DDX52: variants seen among roughly 807,000 people sequenced by gnomAD.
DDX52 encodes the protein DExD-box helicase 52.
A neutral mutation model predicts 76.1 loss-of-function variants in DDX52; 59 were observed. That is an observed-to-expected ratio of 0.78 (90% confidence interval 0.63 to 0.96). DDX52 has a LOEUF of 0.96. Ranked by LOEUF, DDX52 falls within the 40% of genes least tolerant of loss-of-function variation. DDX52 has a pLI of 0.00. For synonymous variants in DDX52, 231 were observed against 244.1 expected (o/e 0.95, Z 0.50); for missense variants, 707 against 703.9 (o/e 1.00, Z -0.05).
At chr17:37,627,747 A>G (rs1367332113) in intron 6 of DDX52, among the ~76,000 whole-genome samples, 1 of 151,730 alleles carries the variant, frequency 6.6e-6, no homozygotes, top group Non-Finnish European at 1.5e-5. Context: ...TCTGGCTGAT[A>G]TAAGGGTGAG....
intron 2 of DDX52, among the ~76,000 whole-genome samples, chr17:37,641,147 T>A (rs888578398): frequency 2.6e-5 from 4 of 151,814 alleles, no homozygotes; most frequent in African/African-American, 9.7e-5. Context: ...TCCCAGCACT[T>A]TAGGAGGCGG....
In DDX52 at chr17:37,628,674, TA is replaced by T. The variant is rs748612808; in HGVS notation, c.748-3del. ...AATTTTTATTAACTCTCTGTGAATC[TA>T]AAAAAAAAAAGATTAAAAACATTAG... On this transcript the variant is annotated splice_polypyrimidine_tract_variant and splice_region_variant and intron_variant, in intron 5 of 14. Transcript: ENST00000617633. The T allele has an allele frequency of 0.1, 105,863 of 1,013,946 alleles. No individual in the cohort carries two copies. Among genetic ancestry groups the T allele is most frequent in the South Asian group, 0.16 (7,535 of 48,100 alleles). 62.8% of individuals were successfully genotyped at this position (1,013,946 alleles called of 1,614,324 possible). A position where few individuals can be genotyped will look rare whatever the true frequency, so the allele number is the denominator to read the frequency against.
intron 2 of DDX52, among the ~76,000 whole-genome samples, chr17:37,640,735 C>T (rs2031154166): frequency 6.7e-6 from 1 of 149,254 alleles, no homozygotes; most frequent in African/African-American, 2.5e-5. Context: ...CACCTTTAAT[C>T]CCAGCACTTT....
At chr17:37,640,641 A>G (rs185635937) in intron 2 of DDX52, among the ~76,000 whole-genome samples, 1 of 151,362 alleles carries the variant, frequency 6.6e-6, no homozygotes, top group Non-Finnish European at 1.5e-5. Flanking sequence ...AGGAAACTTA[A>G]TATTATAGAT....
At chr17:37,635,439 G>A (rs1020408184) in intron 2 of DDX52, 1 of 332,126 alleles carries the variant, frequency 3.0e-6, no homozygotes, top group African/African-American at 2.2e-5. Flanking sequence ...GCCTTTTCTG[G>A]AATTTTATAT....
At chr17:37,633,195 T>G in intron 3 of DDX52, 93 bp downstream of exon 3, 1 of 1,317,388 alleles carries the variant, frequency 7.6e-7, no homozygotes, top group Non-Finnish European at 1.0e-6. Flanking sequence ...AACAAAACTA[T>G]ATTCACATTA....
At chr17:37,618,040 G>A (rs1255274207) in intron 14 of DDX52, among the ~76,000 whole-genome samples, 10 of 152,118 alleles carry the variant, frequency 6.6e-5, no homozygotes, top group East Asian at 1.9e-4. Flanking sequence ...GCTTGAACCC[G>A]GGAGGCAGAG....
rs373498200 is a variant in DDX52 at position 37,632,176 on chromosome 17, A to C, written c.540T>G (p.Ile180Met). 6.2e-7 allele frequency: 1 copy of C among 1,613,468 alleles called. No individual in the cohort carries two copies. Among genetic ancestry groups the C allele is most frequent in the African/African-American group, 1.3e-5 (1 of 74,728 alleles). The change falls in exon 4 of 15, where the codon ATT (isoleucine) becomes ATG (methionine). Residue 180 changes from isoleucine (I) to methionine (M), a missense_variant. By Grantham distance (10) the Ile-to-Met change is conservative (BLOSUM62 1). Coordinates refer to ENST00000617633, the MANE Select transcript of DDX52 (RefSeq NM_007010.5). The stretch of plus-strand genomic sequence containing the variant: ...TAGGCATTTGGAAACCTGCATCTAG[A>C]ATGTTCTGAAGTAGTCGAGAATTGA... Reference protein sequence around the residue: ...YKINSRLLQNILDAGFQMPTP... With the variant: ...YKINSRLLQNMLDAGFQMPTP...
rs2064370138 is a variant in DDX52, at chr17:37,611,895, AG to A, written c.*2400del. The A allele has an allele frequency of 6.7e-6, 1 of 149,432 alleles. No homozygotes were observed. The highest frequency in any genetic ancestry group is 1.5e-5 in the Non-Finnish European group (1 of 67,522). 9.3% of individuals were successfully genotyped at this position (149,432 alleles called of 1,614,324 possible). ...AGGATCACTTGAGTCTAAGAGGTCA[AG>A]GCTGCAGTGGGCCATGATTGTGCCA... On this transcript the variant is annotated 3_prime_UTR_variant, in exon 15 of 15. Transcript: ENST00000617633.
At chr17:37,619,655 T>G in intron 13 of DDX52, 113 bp downstream of exon 13, 3 of 887,972 alleles carry the variant, frequency 3.4e-6, no homozygotes, top group Non-Finnish European at 5.1e-6. Flanking sequence ...AAGACTACAG[T>G]GAGCTGTGAT....
At chr17:37,619,486 T>G (rs1254273769) in intron 13 of DDX52, among the ~76,000 whole-genome samples, 2 of 152,090 alleles carry the variant, frequency 1.3e-5, no homozygotes, top group African/African-American at 2.4e-5. Flanking sequence ...CAAGATCACT[T>G]GAGGCCAGGA....
intron 9 of DDX52, 72 bp from the exon 10 acceptor site, chr17:37,621,592 T>G (rs2030099537): frequency 6.6e-7 from 1 of 1,514,008 alleles, no homozygotes; most frequent in East Asian, 2.4e-5. Context: ...ATAATTTGAT[T>G]GTAGCTTTTA....
intron 4 of DDX52, chr17:37,631,107 G>T (rs2030661279): frequency 1.3e-5 from 2 of 152,144 alleles, no homozygotes; most frequent in South Asian, 4.1e-4. Flanking sequence ...GAGATGAAAA[G>T]GTATCTTATA....
intron 2 of DDX52, 92 bp from the exon 3 acceptor site, chr17:37,633,510 A>AGGGT: frequency 2.8e-6 from 3 of 1,077,504 alleles, no homozygotes; most frequent in Non-Finnish European, 3.6e-6. Context: ...AAATTAGTCA[A>AGGGT]GGGTGGGTGG....
rs200545664 is a variant in DDX52, at chr17:37,611,956, C to CAAAAAAAA, written c.*2332_*2339dup. On this transcript the variant is annotated 3_prime_UTR_variant, in exon 15 of 15. Coordinates refer to ENST00000617633, the MANE Select transcript of DDX52 (RefSeq NM_007010.5). ...AAATTAGGTAACAGACCCTGTTTCT[C>CAAAAAAAA]AAAAAAAAAAAAAAAAACAAAACAA... The CAAAAAAAA allele has an allele frequency of 4.6e-5, 3 of 64,664 alleles. No individual in the cohort carries two copies. The highest frequency in any genetic ancestry group is 7.1e-5 in the Non-Finnish European group (2 of 28,154). 4.0% of individuals were successfully genotyped at this position (64,664 alleles called of 1,614,324 possible). A position where few individuals can be genotyped will look rare whatever the true frequency, so the allele number is the denominator to read the frequency against.
In DDX52 at chr17:37,624,681, T is replaced by C. The variant is rs139795031; in HGVS notation, c.1137-247A>G. Among the ~76,000 whole-genome samples, 16 of 152,290 alleles carry C rather than the reference T, an allele frequency of 1.1e-4. No individual in the cohort carries two copies. In the East Asian group the frequency reaches 2.3e-3, roughly 22 times the overall value. On this transcript the variant is annotated intron_variant, in intron 8 of 14. Coordinates refer to ENST00000617633, the MANE Select transcript of DDX52 (RefSeq NM_007010.5). ...AAACTTATGTTTCAGTCATAAATTT[T>C]CAGGTATTTGATTAGTTATAAAAAA...
intron 14 of DDX52, among the ~76,000 whole-genome samples, chr17:37,615,493 T>A (rs896017177): frequency 7.2e-5 from 11 of 151,840 alleles, no homozygotes; most frequent in African/African-American, 2.7e-4. Flanking sequence ...GCCTGGGCAA[T>A]ATGGCAAAAC....
chr17:37,633,014 A>T (rs1399423115), intron 3 of DDX52, among the ~76,000 whole-genome samples: 1 of 152,218 alleles, frequency 6.6e-6, no homozygotes, highest in Non-Finnish European at 1.5e-5. Context: ...ACGAAATTTT[A>T]AAAATTTAAT....
intron 1 of DDX52, chr17:37,643,117 A>C: frequency 2.4e-6 from 1 of 420,214 alleles, no homozygotes; most frequent in South Asian, 6.3e-5. Context: ...GCCAGGCCCA[A>C]CTAGGTCTAC....
Sources: gnomAD v4.1 joint callset for allele counts (sites outside exome capture counted in the v4.1 genomes callset) on GRCh38, gnomAD v4.1.1 for gene constraint, MANE v1.5 for transcripts, NCBI Gene and HGNC (gene_info 2026-07-23, HGNC 2026-07-21) for gene names.